The following ADGRL1 variants were observed in gnomAD, a reference collection of about 807,000 sequenced individuals.
The protein encoded by ADGRL1 is CIRL-1.
ADGRL1 carries 31 observed loss-of-function variants against 148.9 expected under a neutral mutation model. The observed-to-expected ratio is 0.21, with a 90% CI of 0.16 to 0.28. ADGRL1 has a LOEUF of 0.28. ADGRL1 is among the 10% of genes least tolerant of loss of function. ADGRL1 has a pLI of 1.00. For missense variants in ADGRL1, 1,521 were observed against 2,058.8 expected, an observed-to-expected ratio of 0.74 and a Z score of 5.05; for synonymous variants, 937 against 900.3, an observed-to-expected ratio of 1.04 and a Z score of -0.73.
intron 4 of ADGRL1, among the ~76,000 whole-genome samples, chr19:14,167,403 T>G (rs1970082023): frequency 6.9e-6 from 1 of 145,630 alleles, no homozygotes; most frequent in African/African-American, 2.6e-5. Context: ...GGGCAGGGAG[T>G]AGGGAGCCCC....
chr19:14,187,695 T>TC (rs1423762681), intron 1 of ADGRL1, among the ~76,000 whole-genome samples: 1 of 150,512 alleles, frequency 6.6e-6, no homozygotes, highest in East Asian at 2.0e-4. Flanking sequence ...TATCCGCATC[T>TC]CCCCCACATC....
intron 2 of ADGRL1, among the ~76,000 whole-genome samples, chr19:14,183,315 G>A (rs954827520): frequency 1.3e-5 from 2 of 152,000 alleles, no homozygotes; most frequent in African/African-American, 4.8e-5. Flanking sequence ...TGGCCCAGCC[G>A]ACTTGTTGGA....
chr19:14,158,151 A>C lies in ADGRL1; in HGVS notation c.2365-99T>G. 8.8e-6 allele frequency: 12 copies of C among 1,364,940 alleles called. No individual in the cohort carries two copies. In the South Asian group the frequency reaches 1.4e-4, roughly 16 times the overall value. The allele number at this position is 1,364,940 out of a possible 1,614,324, so 84.6% of individuals were successfully genotyped here. ...GGCAACAGGGATGGTACCAAGTATCAAAGAAGTGCCTGGGGTCTGGGGCTC... is the reference window on the plus strand; with the variant it reads ...GGCAACAGGGATGGTACCAAGTATCCAAGAAGTGCCTGGGGTCTGGGGCTC... On this transcript the variant is annotated intron_variant, in intron 12 of 22. Coordinates refer to ENST00000361434, the MANE Select transcript of ADGRL1 (RefSeq NM_014921.5).
intron 12 of ADGRL1, 58 bp downstream of exon 12, chr19:14,158,280 C>G (rs1017218120): frequency 1.9e-6 from 3 of 1,553,932 alleles, no homozygotes; most frequent in Admixed American, 1.7e-5. Context: ...AGGTACACAG[C>G]CTGGGAACAC....
Position 14,157,559 on chromosome 19 carries a change from G to C in ADGRL1, c.2536-99C>G. ...GACAGGGCCCTGGGCAAGGCCATGG[G>C]CCGTGAGGACCTCTGGTGCCGCCAA... On this transcript the variant is annotated intron_variant, in intron 13 of 22. Transcript: ENST00000361434. The surrounding 1 kb of genome is among the most constrained non-coding windows in gnomAD (Gnocchi z 7.5). The C allele has an allele frequency of 8.0e-7, 1 of 1,249,882 alleles. No individual in the cohort carries two copies. The highest frequency in any genetic ancestry group is 1.1e-6 in the Non-Finnish European group (1 of 874,836). 77.4% of individuals were successfully genotyped at this position (1,249,882 alleles called of 1,614,324 possible).
At position 14,152,988 on chromosome 19, in the gene ADGRL1, A is replaced by C. The variant is rs1234211299; in HGVS notation, c.3295-76T>G. The C allele has an allele frequency of 2.6e-6, 4 of 1,557,472 alleles. No homozygotes were observed. Among genetic ancestry groups the C allele is most frequent in the Non-Finnish European group, 2.6e-6 (3 of 1,144,994 alleles). On this transcript the variant is annotated intron_variant, in intron 18 of 22. Coordinates refer to ENST00000361434, the MANE Select transcript of ADGRL1 (RefSeq NM_014921.5). The surrounding 1 kb of genome is among the most constrained non-coding windows in gnomAD (Gnocchi z 6.1). ...TCCAGTCTCCCACAGGGCTGGTCAC[A>C]AGACAGGCAGCCTTGGGAGGCCGGA...
Position 14,189,670 on chromosome 19 carries a change from A to T in ADGRL1, c.-95-5973T>A, listed in dbSNP as rs376848907. Among the ~76,000 whole-genome samples the T allele has an allele frequency of 5.9e-5, 9 of 152,280 alleles. No individual in the cohort carries two copies. In the East Asian group the frequency reaches 1.7e-3, roughly 29 times the overall value. On this transcript the variant is annotated intron_variant, in intron 1 of 22. Transcript: ENST00000361434. ...TGGAGCACGTTTTCTTTATCCAGTC[A>T]TCGGTAATGGACATGCGGGCTGTTG...
rs765071246 is a variant in ADGRL1 at position 14,156,159 on chromosome 19, G to T, written c.3076C>A (p.Arg1026=). 1 of 1,612,526 alleles carries T rather than the reference G, an allele frequency of 6.2e-7. No homozygotes were observed. The highest frequency in any genetic ancestry group is 8.5e-7 in the Non-Finnish European group (1 of 1,179,686). The stretch of plus-strand genomic sequence containing the variant: ...TCGGGCTTGAGCACAGATGAGCTTC[G>T]GATCATCTTGTGCAGGGTCACCATG... ...FLMVTLHKMI[R]SSSVLKPDSS... The change falls in exon 17 of 23, where the codon CGA becomes AGA. Residue 1026 remains arginine (R), a synonymous_variant. Coordinates refer to ENST00000361434, the MANE Select transcript of ADGRL1 (RefSeq NM_014921.5).
At chr19:14,194,195 G>C (rs1456100753) in intron 1 of ADGRL1, among the ~76,000 whole-genome samples, 1 of 152,230 alleles carries the variant, frequency 6.6e-6, no homozygotes, top group East Asian at 1.9e-4. Context: ...CTGGGCAATA[G>C]AGCAAGACCT....
At chr19:14,199,023 CT>C (rs1568634438) in intron 1 of ADGRL1, among the ~76,000 whole-genome samples, 1 of 152,234 alleles carries the variant, frequency 6.6e-6, no homozygotes, top group African/African-American at 2.4e-5. Flanking sequence ...CGGGATCCCC[CT>C]GCCTCATCAG....
At chr19:14,176,288 T>C (rs1599467723) in intron 3 of ADGRL1, among the ~76,000 whole-genome samples, 1 of 150,790 alleles carries the variant, frequency 6.6e-6, no homozygotes, top group Non-Finnish European at 1.5e-5. Context: ...GAAGCGGAGG[T>C]GGCAGTGAGC....
At chr19:14,194,532 G>A (rs1972138020) in intron 1 of ADGRL1, among the ~76,000 whole-genome samples, 2 of 152,256 alleles carry the variant, frequency 1.3e-5, no homozygotes, top group South Asian at 4.1e-4. Context: ...TAACCATTTA[G>A]GAAGGAGAGA....
chr19:14,194,434 A>G (rs1972131237), intron 1 of ADGRL1, among the ~76,000 whole-genome samples: 1 of 152,254 alleles, frequency 6.6e-6, no homozygotes, highest in African/African-American at 2.4e-5. Flanking sequence ...GCTCTCCAGC[A>G]AGGAACCACC....
intron 1 of ADGRL1, among the ~76,000 whole-genome samples, chr19:14,201,746 G>GC (rs1431204780): frequency 1.3e-5 from 2 of 152,086 alleles, no homozygotes; most frequent in Non-Finnish European, 2.9e-5. Flanking sequence ...CACACTGTGG[G>GC]CCAGTGATGA....
chr19:14,186,441 T>C (rs1221580418), intron 1 of ADGRL1, among the ~76,000 whole-genome samples: 2 of 152,182 alleles, frequency 1.3e-5, no homozygotes, highest in African/African-American at 4.8e-5. Context: ...ATCCCAAAGC[T>C]GAGACTCTGC....
Position 14,149,884 on chromosome 19 carries a change from C to G in ADGRL1, c.*989G>C, listed in dbSNP as rs567737419. 1 of 151,628 alleles carries G rather than the reference C, an allele frequency of 6.6e-6. No individual in the cohort carries two copies. Among genetic ancestry groups the G allele is most frequent in the African/African-American group, 2.4e-5 (1 of 41,122 alleles). 9.4% of individuals were successfully genotyped at this position (151,628 alleles called of 1,614,324 possible). ...AGCCCGGGCTGGCCCGGGCCGCAGG[C>G]TCCCGGTGGCTTCAAGTGATGAGAT... is the stretch of plus-strand genomic sequence containing the variant. On this transcript the variant is annotated 3_prime_UTR_variant, in exon 23 of 23. Coordinates refer to ENST00000361434, the MANE Select transcript of ADGRL1 (RefSeq NM_014921.5).
In ADGRL1 at chr19:14,183,515, G is replaced by A. The variant is rs200920553; in HGVS notation, c.70+18C>T. 113 of 1,559,300 alleles carry A rather than the reference G, an allele frequency of 7.2e-5. No individual in the cohort carries two copies. The African/African-American group carries it at 1.4e-3, about 19-fold the overall frequency. On this transcript the variant is annotated intron_variant, in intron 2 of 22. Coordinates refer to ENST00000361434, the MANE Select transcript of ADGRL1 (RefSeq NM_014921.5). ...GGTTTGGGAGCCGCGGCCCCTCCCC[G>A]GCCCCAGCAGCACCTACCTTGGGTG...
intron 1 of ADGRL1, among the ~76,000 whole-genome samples, chr19:14,192,512 A>G (rs551367913): frequency 3.3e-4 from 49 of 150,058 alleles, no homozygotes; most frequent in Admixed American, 5.3e-4. Flanking sequence ...AAGTGTTGGG[A>G]TTACAGGCGT....
At chr19:14,203,094 C>T (rs1473059482) in intron 1 of ADGRL1, among the ~76,000 whole-genome samples, 5 of 152,156 alleles carry the variant, frequency 3.3e-5, no homozygotes, top group Admixed American at 6.5e-5. Flanking sequence ...TTGCCCCAAA[C>T]CCAGCCTGGG....
Sources: gnomAD v4.1 joint callset for allele counts (sites outside exome capture counted in the v4.1 genomes callset) on GRCh38, gnomAD v4.1.1 for gene constraint, Gnocchi (gnomAD v3.1) non-coding constraint, MANE v1.5 for transcripts, NCBI Gene and HGNC (gene_info 2026-07-23, HGNC 2026-07-21) for gene names.